Variants in CFAP74 observed in about 807,000 individuals in gnomAD.
CFAP74 encodes the protein cilia- and flagella-associated protein 74.
Under a neutral mutation model 188.9 loss-of-function variants are expected in CFAP74, and 124 were observed. That is an observed-to-expected ratio of 0.66 (90% confidence interval 0.57 to 0.76). CFAP74 has a LOEUF of 0.76. Among genes scored for constraint, CFAP74 ranks in the 30% least tolerant of loss-of-function variants. The probability of loss-of-function intolerance (pLI) is 0.00; values close to 1 mark genes in which losing one functional copy is unlikely to be tolerated. For missense variants in CFAP74, 2,198 were observed against 2,165.2 expected, an observed-to-expected ratio of 1.02 and a Z score of -0.30; for synonymous variants, 956 against 916.7, an observed-to-expected ratio of 1.04 and a Z score of -0.77.
At chr1:1,958,191 G>A (rs1318087386) in intron 16 of CFAP74, among the ~76,000 whole-genome samples, 1 of 152,242 alleles carries the variant, frequency 6.6e-6, no homozygotes, top group African/African-American at 2.4e-5. Context: ...GCGTGGCCTG[G>A]ATCACGGGTG....
intron 25 of CFAP74, among the ~76,000 whole-genome samples, chr1:1,933,386 G>C (rs566937667): frequency 3.1e-4 from 46 of 150,028 alleles, no homozygotes; most frequent in Admixed American, 8.0e-4. Context: ...CACCATGTTG[G>C]CCAGGCTGGT....
At chr1:1,966,986 G>A (rs189911618) in intron 11 of CFAP74, among the ~76,000 whole-genome samples, 108 of 152,186 alleles carry the variant, frequency 7.1e-4, no homozygotes, top group African/African-American at 1.4e-3. Flanking sequence ...GCAGGCGCCC[G>A]CCACCACACC....
At chr1:1,955,088 A>G (rs1654478414) in intron 18 of CFAP74, 1 of 1,279,166 alleles carries the variant, frequency 7.8e-7, no homozygotes, top group Non-Finnish European at 1.0e-6. Flanking sequence ...TGCGGCTCAC[A>G]CAGGCTGTGG....
chr1:1,941,238 C>T (rs376994966), intron 22 of CFAP74, among the ~76,000 whole-genome samples: 35 of 152,354 alleles, frequency 2.3e-4, no homozygotes, highest in African/African-American at 7.9e-4. Context: ...AGCTCAGCTC[C>T]GCCCTGTTCC....
At chr1:1,997,220 C>A (rs182487467) in intron 1 of CFAP74, among the ~76,000 whole-genome samples, 51 of 151,410 alleles carry the variant, frequency 3.4e-4, no homozygotes, top group African/African-American at 1.2e-3. Flanking sequence ...GTCAGGAGTT[C>A]GAGACCAGCC....
At chr1:1,995,638 G>A (rs143800976) in intron 1 of CFAP74, among the ~76,000 whole-genome samples, 37 of 152,210 alleles carry the variant, frequency 2.4e-4, no homozygotes, top group East Asian at 1.2e-3. Context: ...GGCCGGGCTC[G>A]GTGGCTCACG....
Position 1,975,101 on chromosome 1 carries a change from G to A in CFAP74, c.501-903C>T, listed in dbSNP as rs1310549443. Among the ~76,000 whole-genome samples the A allele has an allele frequency of 2.0e-5, 3 of 152,212 alleles. No homozygotes were observed. The highest frequency in any genetic ancestry group is 2.9e-5 in the Non-Finnish European group (2 of 68,042). ...CTGCATTGCTGACATTCCACGTGAC[G>A]TGTGCCACAGCTCTGTCCTAGACAC... is the stretch of plus-strand genomic sequence containing the variant. On this transcript the variant is annotated intron_variant, in intron 6 of 38. Coordinates refer to ENST00000682832, the MANE Select transcript of CFAP74 (RefSeq NM_001304360.2). The surrounding 1 kb of genome is among the most constrained non-coding windows in gnomAD (Gnocchi z 4.5).
At chr1:1,944,690 T>C (rs1653630750) in intron 20 of CFAP74, among the ~76,000 whole-genome samples, 1 of 152,228 alleles carries the variant, frequency 6.6e-6, no homozygotes, top group South Asian at 2.1e-4. Context: ...CACTGCAATG[T>C]CTGCCTCCCG....
At position 1,924,044 on chromosome 1, in the gene CFAP74, C is replaced by G. The variant is rs566136917; in HGVS notation, c.4235-115G>C. 1.4e-5 allele frequency: 16 copies of G among 1,103,664 alleles called. No individual in the cohort carries two copies. In the African/African-American group the frequency reaches 2.7e-4, roughly 19 times the overall value. The allele number at this position is 1,103,664 out of a possible 1,614,324, so 68.4% of individuals were successfully genotyped here. ...CCCGCCCCCCTGCAGAGCCCCTGTC[C>G]TGCCCGGTCCCCCCAATGGCCTTGC... On this transcript the variant is annotated intron_variant, in intron 34 of 38. Transcript: ENST00000682832.
chr1:1,972,329 A>C (rs937444939), intron 8 of CFAP74, among the ~76,000 whole-genome samples: 10 of 152,230 alleles, frequency 6.6e-5, no homozygotes, highest in African/African-American at 2.4e-4. Flanking sequence ...TCCACCAGGA[A>C]TGTGATTAAT....
intron 3 of CFAP74, 67 bp downstream of exon 3, chr1:1,988,822 A>AC (rs1269513983): frequency 3.0e-4 from 48 of 162,466 alleles, no homozygotes; most frequent in Middle Eastern, 4.1e-3. Context: ...CCCTTCACCC[A>AC]CCCCCCCACC....
chr1:1,989,451 C>A (rs189757757), intron 2 of CFAP74, among the ~76,000 whole-genome samples: 1 of 152,308 alleles, frequency 6.6e-6, no homozygotes, highest in East Asian at 1.9e-4. Context: ...CCCTTTGGAC[C>A]TCAACATGAC....
intron 5 of CFAP74, 121 bp from the exon 6 acceptor site, chr1:1,985,611 A>C (rs1570979409): frequency 1.3e-6 from 1 of 773,952 alleles, no homozygotes; most frequent in Admixed American, 2.1e-5. Context: ...GCACTGGGCC[A>C]CCTAGCCAAT....
chr1:1,957,402 G>C (rs1446825658), intron 16 of CFAP74, among the ~76,000 whole-genome samples: 1 of 152,248 alleles, frequency 6.6e-6, no homozygotes, highest in African/African-American at 2.4e-5. Context: ...AATGGACGTG[G>C]TTCGCAGAGG....
chr1:1,933,185 C>CTT (rs897460590), intron 25 of CFAP74, among the ~76,000 whole-genome samples: 9 of 133,210 alleles, frequency 6.8e-5, no homozygotes, highest in Admixed American at 2.3e-4. Context: ...CGTGCCTGAC[C>CTT]TTTTTTTTTT....
At chr1:1,950,917 C>T (rs987891281) in intron 18 of CFAP74, among the ~76,000 whole-genome samples, 4 of 151,728 alleles carry the variant, frequency 2.6e-5, no homozygotes, top group Admixed American at 2.0e-4. Context: ...GTGTTTTTTT[C>T]GGGGGGGAAT....
intron 1 of CFAP74, among the ~76,000 whole-genome samples, chr1:1,991,241 C>T (rs533390581): frequency 6.6e-5 from 10 of 152,216 alleles, no homozygotes; most frequent in South Asian, 4.1e-4. Context: ...TTTGGGAGGC[C>T]GAGGCAGGTG....
chr1:1,975,930 T>G lies in CFAP74; in HGVS notation c.501-1732A>C, dbSNP rs888735145. Among the ~76,000 whole-genome samples the G allele has an allele frequency of 1.3e-5, 2 of 152,148 alleles. No individual in the cohort carries two copies. Among genetic ancestry groups the G allele is most frequent in the African/African-American group, 4.8e-5 (2 of 41,434 alleles). On this transcript the variant is annotated intron_variant, in intron 6 of 38. Coordinates refer to ENST00000682832, the MANE Select transcript of CFAP74 (RefSeq NM_001304360.2). This position sits in a 1 kb window ranked among gnomAD's most constrained non-coding sequence, Gnocchi z 4.5. ...CTGTCGTCGCCCATTCCTGCTGCTG[T>G]AGGAAAACACCCACGACCGGGTCTT... is the stretch of plus-strand genomic sequence containing the variant.
chr1:1,941,951 G>T lies in CFAP74; in HGVS notation c.2615+77C>A, dbSNP rs192347481. ...CCGGCAGCAATGAGAACAGAGGAGT[G>T]GCCAGTGGCGAGGAGCGCCTCGGAG... is the stretch of plus-strand genomic sequence containing the variant. On this transcript the variant is annotated intron_variant, in intron 22 of 38. Transcript: ENST00000682832. The T allele has an allele frequency of 2.0e-5, 27 of 1,354,346 alleles. No individual in the cohort carries two copies. The East Asian group carries it at 5.8e-4, about 29-fold the overall frequency. The allele number at this position is 1,354,346 out of a possible 1,614,324, so 83.9% of individuals were successfully genotyped here. A position where few individuals can be genotyped will look rare whatever the true frequency, so the allele number is the denominator to read the frequency against.
Sources: gnomAD v4.1 joint callset for allele counts (sites outside exome capture counted in the v4.1 genomes callset) on GRCh38, gnomAD v4.1.1 for gene constraint, Gnocchi (gnomAD v3.1) non-coding constraint, MANE v1.5 for transcripts, NCBI Gene and HGNC (gene_info 2026-07-23, HGNC 2026-07-21) for gene names.